Variants in EHBP1 observed in about 807,000 individuals in gnomAD.
The protein encoded by EHBP1 is EH domain binding protein 1.
Under a neutral mutation model 144.0 loss-of-function variants are expected in EHBP1, and 55 were observed. The observed-to-expected ratio is 0.38, with a 90% CI of 0.31 to 0.48. The LOEUF (loss-of-function observed/expected upper bound fraction) is 0.48. EHBP1 is among the 20% of genes least tolerant of loss of function. The probability of loss-of-function intolerance (pLI) is 0.98; values close to 1 mark genes in which losing one functional copy is unlikely to be tolerated. For synonymous variants in EHBP1, 469 were observed against 472.7 expected (o/e 0.99, Z 0.10); for missense variants, 1,200 against 1,364.2 (o/e 0.88, Z 1.90).
At chr2:62,943,526 T>C (rs1163063327) in intron 11 of EHBP1, among the ~76,000 whole-genome samples, 1 of 152,168 alleles carries the variant, frequency 6.6e-6, no homozygotes, top group Non-Finnish European at 1.5e-5. Flanking sequence ...TACCTCATAC[T>C]AAATTTGGTT....
intron 18 of EHBP1, among the ~76,000 whole-genome samples, chr2:62,995,635 GA>G (rs1283949438): frequency 6.6e-6 from 1 of 152,004 alleles, no homozygotes; most frequent in Non-Finnish European, 1.5e-5. Flanking sequence ...AAGTGCTTAT[GA>G]TAGGAGTGGT....
intron 2 of EHBP1, among the ~76,000 whole-genome samples, chr2:62,715,748 G>A (rs1293947269): frequency 6.6e-6 from 1 of 152,148 alleles, no homozygotes; most frequent in African/African-American, 2.4e-5. Flanking sequence ...GGGGGATGAT[G>A]GGTAACAAGA....
At chr2:62,869,418 A>T (rs187691203) in intron 9 of EHBP1, among the ~76,000 whole-genome samples, 2 of 152,356 alleles carry the variant, frequency 1.3e-5, no homozygotes, top group East Asian at 3.9e-4. Flanking sequence ...AAATGGATAA[A>T]CAAACTGTGG....
intron 13 of EHBP1, among the ~76,000 whole-genome samples, chr2:62,951,542 G>C (rs546765581): frequency 1.4e-4 from 20 of 142,656 alleles, no homozygotes; most frequent in African/African-American, 5.1e-4. Context: ...TTTGGGGGGG[G>C]GGGGTGGAGT....
chr2:63,014,469 A>T (rs989707048), intron 19 of EHBP1, among the ~76,000 whole-genome samples: 1 of 152,210 alleles, frequency 6.6e-6, no homozygotes, highest in Non-Finnish European at 1.5e-5. Context: ...ATTTAAGATT[A>T]TCTGCATAAA....
Position 62,772,334 on chromosome 2 carries a change from C to G in EHBP1, c.312+942C>G, listed in dbSNP as rs142716347. 1.6e-4 allele frequency among the ~76,000 whole-genome samples: 24 copies of G among 151,962 alleles called. No homozygotes were observed. In the East Asian group the frequency reaches 4.4e-3, roughly 28 times the overall value. On this transcript the variant is annotated intron_variant, in intron 5 of 22. Coordinates refer to ENST00000431489, the MANE Select transcript of EHBP1 (RefSeq NM_001142616.3). ...AAGTTAATTTACATGTTGTGGAATC[C>G]CAAGTGACTAGAAGGCATATAGTAG...
At chr2:62,703,338 G>A (rs924083898), upstream of EHBP1, among the ~76,000 whole-genome samples, 5 of 151,408 alleles carry the variant, frequency 3.3e-5, no homozygotes, top group African/African-American at 1.2e-4. Context: ...GAGAAACCCC[G>A]TCTCAAGAAA....
At chr2:62,711,756 G>A (rs925254989) in intron 2 of EHBP1, among the ~76,000 whole-genome samples, 6 of 152,122 alleles carry the variant, frequency 3.9e-5, no homozygotes, top group Non-Finnish European at 5.9e-5. Context: ...TGTTTTCTAA[G>A]AAACCAACTG....
chr2:62,791,563 A>G (rs2043170652), intron 5 of EHBP1, among the ~76,000 whole-genome samples: 1 of 151,996 alleles, frequency 6.6e-6, no homozygotes, highest in Non-Finnish European at 1.5e-5. Context: ...AAAGATGGTT[A>G]TTATAAAGTT....
chr2:62,841,314 G>T (rs1188246256), intron 7 of EHBP1, among the ~76,000 whole-genome samples: 2 of 141,036 alleles, frequency 1.4e-5, no homozygotes, highest in East Asian at 4.3e-4. Flanking sequence ...CACAGGAAGG[G>T]GAATATCACA....
upstream of EHBP1, among the ~76,000 whole-genome samples, chr2:62,704,945 T>A (rs1443933366): frequency 2.0e-5 from 3 of 152,126 alleles, no homozygotes; most frequent in Non-Finnish European, 2.9e-5. Context: ...CAGTTCTCAC[T>A]AGGGGCAAAA....
chr2:63,045,264 C>G lies in EHBP1; in HGVS notation c.3392+84C>G. The stretch of plus-strand genomic sequence containing the variant: ...TGCGGAAAGTTCAATCCAGAGGTCG[C>G]GGGAGGGCCGGGGCAGCCTCCCACT... On this transcript the variant is annotated intron_variant, in intron 22 of 22. Transcript: ENST00000431489. This position sits in a 1 kb window ranked among gnomAD's most constrained non-coding sequence, Gnocchi z 5.7. 7.1e-7 allele frequency: 1 copy of G among 1,413,730 alleles called. No homozygotes were observed. 87.6% of individuals were successfully genotyped at this position (1,413,730 alleles called of 1,614,324 possible). A position where few individuals can be genotyped will look rare whatever the true frequency, so the allele number is the denominator to read the frequency against.
intron 13 of EHBP1, among the ~76,000 whole-genome samples, chr2:62,950,990 C>G (rs1431138584): frequency 1.3e-5 from 2 of 152,038 alleles, no homozygotes; most frequent in African/African-American, 2.4e-5. Flanking sequence ...CGGCCCGAAC[C>G]TCTGAATTTA....
intron 14 of EHBP1, among the ~76,000 whole-genome samples, chr2:62,956,836 A>G (rs1396531647): frequency 6.6e-6 from 1 of 152,174 alleles, no homozygotes. Context: ...GCTGGCTTTC[A>G]GCTAATAAGA....
In EHBP1 at chr2:62,996,637, T is replaced by TA. The variant is rs1359740501; in HGVS notation, c.2980-4dup. 3 of 1,613,100 alleles carry TA rather than the reference T, an allele frequency of 1.9e-6. No homozygotes were observed. In the South Asian group the frequency reaches 3.3e-5, roughly 18 times the overall value. ...TTTTTTCCTTCCTGTTTGTTCTTGT[T>TA]AACAGAAAGGGTTCAAAGACACCAG... is the stretch of plus-strand genomic sequence containing the variant. On this transcript the variant is annotated splice_region_variant and splice_polypyrimidine_tract_variant and intron_variant, in intron 18 of 22. Coordinates refer to ENST00000431489, the MANE Select transcript of EHBP1 (RefSeq NM_001142616.3).
At chr2:62,943,896 TC>T in intron 12 of EHBP1, 46 bp downstream of exon 12, 1 of 1,396,346 alleles carries the variant, frequency 7.2e-7, no homozygotes, top group Non-Finnish European at 1.0e-6. Flanking sequence ...AATTTTGGCT[TC>T]TCTGCAGGTC....
At chr2:62,856,110 G>A (rs191914746) in intron 7 of EHBP1, among the ~76,000 whole-genome samples, 1 of 152,158 alleles carries the variant, frequency 6.6e-6, no homozygotes, top group Non-Finnish European at 1.5e-5. Flanking sequence ...CCCTCCACTT[G>A]CCTGTGTACC....
intron 2 of EHBP1, among the ~76,000 whole-genome samples, chr2:62,713,933 G>A (rs1382155260): frequency 1.3e-5 from 2 of 151,994 alleles, no homozygotes; most frequent in Non-Finnish European, 2.9e-5. Flanking sequence ...CAATTGTGGT[G>A]GGTTCTTTAA....
chr2:62,734,677 A>G (rs927669208), intron 2 of EHBP1, among the ~76,000 whole-genome samples: 2 of 151,918 alleles, frequency 1.3e-5, no homozygotes, highest in African/African-American at 4.8e-5. Context: ...TGTCTACCTT[A>G]TTTGTTACTG....
Sources: gnomAD v4.1 joint callset for allele counts (sites outside exome capture counted in the v4.1 genomes callset) on GRCh38, gnomAD v4.1.1 for gene constraint, Gnocchi (gnomAD v3.1) non-coding constraint, MANE v1.5 for transcripts, NCBI Gene and HGNC (gene_info 2026-07-23, HGNC 2026-07-21) for gene names.